The following TOM1L2 variants were observed in gnomAD, a reference collection of about 807,000 sequenced individuals.
TOM1L2 encodes TOM1-like protein 2.
In TOM1L2, 31 loss-of-function variants were observed where a neutral mutation model predicts 67.9. That is an observed-to-expected ratio of 0.46 (90% CI 0.34 to 0.62). The LOEUF (loss-of-function observed/expected upper bound fraction) is 0.62, where lower values mean the gene tolerates loss of function less well. Among genes scored for constraint, TOM1L2 ranks in the 20% least tolerant of loss-of-function variants. The probability of loss-of-function intolerance (pLI) is 0.01; values close to 1 mark genes in which losing one functional copy is unlikely to be tolerated. For synonymous variants in TOM1L2, 256 were observed against 254.0 expected (o/e 1.01, Z -0.07); for missense variants, 606 against 663.5 (o/e 0.91, Z 0.95).
At chr17:17,857,949 G>T in intron 12 of TOM1L2, 4 of 1,150,578 alleles carry the variant, frequency 3.5e-6, no homozygotes, top group Non-Finnish European at 5.0e-6. Context: ...GTGATCCTTT[G>T]CCACGTAAGG....
chr17:17,853,352 G>C (rs1228856048), intron 12 of TOM1L2, among the ~76,000 whole-genome samples: 1 of 152,176 alleles, frequency 6.6e-6, no homozygotes, highest in Non-Finnish European at 1.5e-5. Flanking sequence ...CCAATGTGTT[G>C]CAAAAGCTAC....
chr17:17,899,433 C>T (rs890197103), intron 2 of TOM1L2, among the ~76,000 whole-genome samples: 3 of 152,246 alleles, frequency 2.0e-5, no homozygotes, highest in Non-Finnish European at 4.4e-5. Context: ...ACTCAGTTCA[C>T]AAATGGGCTC....
chr17:17,877,798 T>C (rs543609258), intron 7 of TOM1L2, among the ~76,000 whole-genome samples: 7 of 151,752 alleles, frequency 4.6e-5, no homozygotes, highest in Admixed American at 4.6e-4. Context: ...GAAAACGTCA[T>C]GGGAAGCAAC....
chr17:17,847,774 T>C lies in TOM1L2; in HGVS notation c.1385A>G (p.Lys462Arg), dbSNP rs1467689959. Reference protein sequence around the residue: ...EEGVTSEEFDKFLEERAKAAE... With the variant: ...EEGVTSEEFDRFLEERAKAAE... ...AGCTTTGGCTCTTTCTTCAAGGAAT[T>C]TATCAAACTCTGCAATACAAACCAA... Residue 462 changes from lysine to arginine, a missense_variant, in exon 15 of 15, where the codon AAA becomes AGA. Lys to Arg is a conservative substitution (Grantham distance 26). Transcript: ENST00000379504. The C allele has an allele frequency of 1.2e-6, 2 of 1,613,964 alleles. No homozygotes were observed. The highest frequency in any genetic ancestry group is 4.5e-5 in the East Asian group (2 of 44,864).
intron 3 of TOM1L2, among the ~76,000 whole-genome samples, chr17:17,894,486 C>G (rs904137426): frequency 6.6e-6 from 1 of 152,208 alleles, no homozygotes; most frequent in Non-Finnish European, 1.5e-5. Context: ...CTGGTTCTGG[C>G]CAGACGGTCA....
intron 1 of TOM1L2, among the ~76,000 whole-genome samples, chr17:17,920,335 A>ATTTTTTTTT (rs771122365): frequency 5.4e-5 from 5 of 93,270 alleles, no homozygotes; most frequent in Admixed American, 1.2e-4. Flanking sequence ...AATGTTCAAT[A>ATTTTTTTTT]TTTTTTTTTT....
At chr17:17,912,180 A>G (rs1464049486) in intron 1 of TOM1L2, among the ~76,000 whole-genome samples, 1 of 152,234 alleles carries the variant, frequency 6.6e-6, no homozygotes, top group Non-Finnish European at 1.5e-5. Flanking sequence ...CACACCTCCC[A>G]GACGGGGTGG....
rs1426121114 is a variant in TOM1L2 at position 17,972,361 on chromosome 17, G to C, written c.-48C>G. On this transcript the variant is annotated 5_prime_UTR_variant, in exon 1 of 15. Coordinates refer to ENST00000379504, the MANE Select transcript of TOM1L2 (RefSeq NM_001082968.2). ...GCCCGGGCCCCCTGTCTGCCACCTA[G>C]GCCTCCGCTGTAACCCGCCGGACTC... 1 of 1,547,730 alleles carries C rather than the reference G, an allele frequency of 6.5e-7. No homozygotes were observed. The highest frequency in any genetic ancestry group is 1.4e-5 in the African/African-American group (1 of 72,898).
rs145932831 is a variant in TOM1L2 at position 17,884,979 on chromosome 17, G to A, written c.367-211C>T. Among the ~76,000 whole-genome samples the A allele has an allele frequency of 4.2e-4, 64 of 152,376 alleles. No individual in the cohort carries two copies. The East Asian group carries it at 4.6e-3, about 11-fold the overall frequency. On this transcript the variant is annotated intron_variant, in intron 4 of 14. Transcript: ENST00000379504. The stretch of plus-strand genomic sequence containing the variant: ...CTGGCTTTCAATGGTGCTGCTGAGC[G>A]TGAACAAAAACACAAAACTTAATTT...
At chr17:17,960,040 T>C (rs949278185) in intron 1 of TOM1L2, among the ~76,000 whole-genome samples, 2 of 152,242 alleles carry the variant, frequency 1.3e-5, no homozygotes, top group East Asian at 3.8e-4. Flanking sequence ...AGCACGTCCT[T>C]TGAGGAAATT....
chr17:17,959,857 A>G (rs912762257), intron 1 of TOM1L2, among the ~76,000 whole-genome samples: 2 of 152,254 alleles, frequency 1.3e-5, no homozygotes, highest in African/African-American at 4.8e-5. Context: ...ATTAATGATT[A>G]AAAGAGCAGC....
intron 7 of TOM1L2, among the ~76,000 whole-genome samples, chr17:17,871,197 C>G (rs1364145133): frequency 6.6e-6 from 1 of 150,944 alleles, no homozygotes; most frequent in Admixed American, 6.6e-5. Context: ...GGTGAAACCC[C>G]GTCTCTACTA....
At chr17:17,912,950 G>A (rs28728241) in intron 1 of TOM1L2, among the ~76,000 whole-genome samples, 4 of 152,254 alleles carry the variant, frequency 2.6e-5, no homozygotes, top group African/African-American at 4.8e-5. Flanking sequence ...TCGGGAGGCC[G>A]AGGCTGGCGG....
Position 17,845,408 on chromosome 17 carries a change from T to TG in TOM1L2, c.*2226dup, listed in dbSNP as rs1211537446. On this transcript the variant is annotated 3_prime_UTR_variant, in exon 15 of 15. Coordinates refer to ENST00000379504, the MANE Select transcript of TOM1L2 (RefSeq NM_001082968.2). Reference sequence around the variant, plus strand: ...GAGTGGGTATGAAAAACAGTTTTGCTGGGGGCTCCCCAGGAGGGCGCCTAT... The same window carrying TG: ...GAGTGGGTATGAAAAACAGTTTTGCTGGGGGGCTCCCCAGGAGGGCGCCTAT... 1.3e-5 allele frequency: 2 copies of TG among 152,230 alleles called. No individual in the cohort carries two copies. The highest frequency in any genetic ancestry group is 2.9e-5 in the Non-Finnish European group (2 of 68,024). 9.4% of individuals were successfully genotyped at this position (152,230 alleles called of 1,614,324 possible). A position where few individuals can be genotyped will look rare whatever the true frequency, so the allele number is the denominator to read the frequency against.
At chr17:17,877,867 T>C (rs1388000259) in intron 7 of TOM1L2, among the ~76,000 whole-genome samples, 1 of 151,024 alleles carries the variant, frequency 6.6e-6, no homozygotes, top group African/African-American at 2.4e-5. Flanking sequence ...TCTTGGCTGA[T>C]GGGCTTGTTT....
At chr17:17,870,161 C>T (rs1468724797) in intron 7 of TOM1L2, among the ~76,000 whole-genome samples, 3 of 152,122 alleles carry the variant, frequency 2.0e-5, no homozygotes, top group South Asian at 2.1e-4. Flanking sequence ...GCCACTTTGC[C>T]GAGACCTCAG....
chr17:17,893,561 A>T (rs758873319), intron 4 of TOM1L2, 100 bp downstream of exon 4: 11 of 1,067,280 alleles, frequency 1.0e-5, no homozygotes, highest in Non-Finnish European at 1.2e-5. Flanking sequence ...AGAAGTCTCC[A>T]TTTTTTTTTT....
At chr17:17,965,567 G>C (rs994224644) in intron 1 of TOM1L2, among the ~76,000 whole-genome samples, 22 of 152,072 alleles carry the variant, frequency 1.4e-4, no homozygotes, top group African/African-American at 4.8e-4. Context: ...CTTTACTCTT[G>C]CTGAGGGCAG....
chr17:17,884,730 G>A lies in TOM1L2; in HGVS notation c.405C>T (p.Thr135=), dbSNP rs774015131. 13 of 1,613,624 alleles carry A rather than the reference G, an allele frequency of 8.1e-6. No individual in the cohort carries two copies. Among genetic ancestry groups the A allele is most frequent in the South Asian group, 7.7e-5 (7 of 91,062 alleles). Residue 135 remains threonine, a synonymous_variant, in exon 5 of 15, where the codon ACC becomes ACT. Transcript: ENST00000379504. ...GCTCCTCATATATGTGCACAACGCC[G>A]GTGAGATCAGGACTGCTTCGAAAGG... The part of the protein sequence containing the change: ...ADAFRSSPDL[T]GVVHIYEELK...
Sources: allele counts gnomAD v4.1 joint callset (sites outside exome capture counted in the v4.1 genomes callset), GRCh38; gene constraint gnomAD v4.1.1; transcripts MANE v1.5; gene names NCBI Gene and HGNC (gene_info 2026-07-23, HGNC 2026-07-21).